Variants in REEP3 observed in about 807,000 individuals in gnomAD.
REEP3 encodes receptor accessory protein 3, also known as receptor expression-enhancing protein 3.
In REEP3, 20 loss-of-function variants were observed where a neutral mutation model predicts 41.3. That is an observed-to-expected ratio of 0.48 (90% CI 0.34 to 0.70). REEP3 has a LOEUF of 0.70. Among genes scored for constraint, REEP3 ranks in the 30% least tolerant of loss-of-function variants. REEP3 has a pLI of 0.01. For missense variants in REEP3, 271 were observed against 308.8 expected (o/e 0.88, Z 0.92); for synonymous variants, 104 against 101.8 (o/e 1.02, Z -0.13).
At chr10:63,585,537 C>T (rs955891700) in intron 2 of REEP3, among the ~76,000 whole-genome samples, 1 of 152,056 alleles carries the variant, frequency 6.6e-6, no homozygotes, top group African/African-American at 2.4e-5. Context: ...CCCATGAAAG[C>T]TTTGTGGGTG....
At chr10:63,524,159 TTCC>T (rs1294599700) in intron 1 of REEP3, among the ~76,000 whole-genome samples, 3 of 152,214 alleles carry the variant, frequency 2.0e-5, no homozygotes, top group Non-Finnish European at 4.4e-5. Context: ...CATTCTATTT[TTCC>T]TCTTTACTCA....
chr10:63,595,372 T>C (rs1956104199), intron 3 of REEP3, among the ~76,000 whole-genome samples: 1 of 152,216 alleles, frequency 6.6e-6, no homozygotes, highest in Non-Finnish European at 1.5e-5. Flanking sequence ...CCTCAGGGAT[T>C]TGACATTTTA....
At chr10:63,571,416 C>G (rs1413189216) in intron 2 of REEP3, among the ~76,000 whole-genome samples, 1 of 152,182 alleles carries the variant, frequency 6.6e-6, no homozygotes, top group Non-Finnish European at 1.5e-5. Flanking sequence ...ACTCCAGCTT[C>G]TACAGGCTGC....
At chr10:63,558,506 G>T (rs949152788) in intron 1 of REEP3, among the ~76,000 whole-genome samples, 1 of 152,120 alleles carries the variant, frequency 6.6e-6, no homozygotes, top group African/African-American at 2.4e-5. Flanking sequence ...GAGGCTGGAG[G>T]CCAGGCACAG....
chr10:63,525,605 G>A (rs1174164091), intron 1 of REEP3, among the ~76,000 whole-genome samples: 1 of 152,108 alleles, frequency 6.6e-6, no homozygotes, highest in Non-Finnish European at 1.5e-5. Context: ...TTTTAGTAGA[G>A]ACGGGGTTTC....
intron 2 of REEP3, among the ~76,000 whole-genome samples, chr10:63,583,999 G>A (rs893836647): frequency 2.6e-5 from 4 of 151,924 alleles, no homozygotes; most frequent in Admixed American, 2.6e-4. Flanking sequence ...TAACATATCT[G>A]TACTTTCCCA....
intron 6 of REEP3, among the ~76,000 whole-genome samples, 166 bp from the exon 7 acceptor site, chr10:63,619,489 T>C (rs1956336141): frequency 6.6e-6 from 1 of 152,146 alleles, no homozygotes; most frequent in Non-Finnish European, 1.5e-5. Flanking sequence ...CCTGGAATAG[T>C]GCGAGGCAAA....
In REEP3 at chr10:63,572,480, C is replaced by T. The variant is rs528619874; in HGVS notation, c.105+6070C>T. 1.8e-4 allele frequency among the ~76,000 whole-genome samples: 27 copies of T among 152,216 alleles called. No homozygotes were observed. In the South Asian group the frequency reaches 5.6e-3, roughly 32 times the overall value. On this transcript the variant is annotated intron_variant, in intron 2 of 7. Coordinates refer to ENST00000373758, the MANE Select transcript of REEP3 (RefSeq NM_001001330.3). ...ATGCTCTCCCTCTCCTTGCCCCTGA[C>T]CCTCCAACAGGCCCCAGTATGTGAT...
chr10:63,582,999 G>A (rs992180424), intron 2 of REEP3, among the ~76,000 whole-genome samples: 2 of 150,974 alleles, frequency 1.3e-5, no homozygotes, highest in Admixed American at 6.6e-5. Context: ...TTTCTTTTTT[G>A]TTTTGAGATG....
rs1419929940 is a variant in REEP3, at chr10:63,550,332, T to A, written c.33-16006T>A. 5.3e-5 allele frequency among the ~76,000 whole-genome samples: 8 copies of A among 152,346 alleles called. No homozygotes were observed. The South Asian group carries it at 6.2e-4, about 12-fold the overall frequency. On this transcript the variant is annotated intron_variant, in intron 1 of 7. Coordinates refer to ENST00000373758, the MANE Select transcript of REEP3 (RefSeq NM_001001330.3). ...TTTGGGAATATGGAAGTTAATACTT[T>A]GATTGTATCCAAGTTCTAAAGGGAA...
intron 6 of REEP3, 101 bp from the exon 7 acceptor site, chr10:63,619,554 G>T: frequency 1.0e-6 from 1 of 985,618 alleles, no homozygotes; most frequent in Non-Finnish European, 1.5e-6. Context: ...GTAACTGGGG[G>T]AAATGCAAAC....
At chr10:63,598,771 G>A (rs1378976960) in intron 4 of REEP3, among the ~76,000 whole-genome samples, 2 of 135,962 alleles carry the variant, frequency 1.5e-5, no homozygotes, top group African/African-American at 2.8e-5. Flanking sequence ...ACAAGAGAGC[G>A]AGACTCCATC....
At chr10:63,531,905 T>C (rs1955424287) in intron 1 of REEP3, among the ~76,000 whole-genome samples, 1 of 152,244 alleles carries the variant, frequency 6.6e-6, no homozygotes, top group South Asian at 2.1e-4. Context: ...AAGAAATTAC[T>C]GTTGCTGATC....
chr10:63,601,116 T>C (rs1024058939), intron 5 of REEP3, among the ~76,000 whole-genome samples: 2 of 151,402 alleles, frequency 1.3e-5, no homozygotes, highest in Admixed American at 6.6e-5. Flanking sequence ...ATCACACCAC[T>C]ATACTCCAGC....
At chr10:63,585,036 A>G in intron 2 of REEP3, among the ~76,000 whole-genome samples, 1 of 152,224 alleles carries the variant, frequency 6.6e-6, no homozygotes, top group Non-Finnish European at 1.5e-5. Flanking sequence ...GTCTGTAATT[A>G]AGAGAGTTTG....
rs1034348983 is a variant in REEP3, at chr10:63,574,855, T to C, written c.105+8445T>C. On this transcript the variant is annotated intron_variant, in intron 2 of 7. Transcript: ENST00000373758. ...TAATGAGAGGTCAATTTCTTTTTTT[T>C]TTTTTTTTTTTTTTTTTTTTGAGAC... Among the ~76,000 whole-genome samples, 8 of 107,058 alleles carry C rather than the reference T, an allele frequency of 7.5e-5. No individual in the cohort carries two copies. In the East Asian group the frequency reaches 1.3e-3, roughly 18 times the overall value. The allele number at this position is 107,058 out of a possible 152,430, so 70.2% of individuals were successfully genotyped here.
At chr10:63,525,657 G>T (rs1955356467) in intron 1 of REEP3, among the ~76,000 whole-genome samples, 1 of 152,094 alleles carries the variant, frequency 6.6e-6, no homozygotes, top group South Asian at 2.1e-4. Context: ...GACCTCAGGT[G>T]ATCCTCCCAC....
intron 1 of REEP3, among the ~76,000 whole-genome samples, chr10:63,550,353 G>C (rs573355005): frequency 1.7e-4 from 26 of 152,278 alleles, no homozygotes; most frequent in African/African-American, 6.3e-4. Flanking sequence ...AAGTTCTAAA[G>C]GGAATTACAA....
intron 2 of REEP3, among the ~76,000 whole-genome samples, chr10:63,585,000 G>A (rs1217872743): frequency 6.6e-6 from 1 of 152,140 alleles, no homozygotes; most frequent in Non-Finnish European, 1.5e-5. Flanking sequence ...TTAAAGACCA[G>A]CATTAATAGC....
Sources: gnomAD v4.1 joint callset for allele counts (sites outside exome capture counted in the v4.1 genomes callset) on GRCh38, gnomAD v4.1.1 for gene constraint, MANE v1.5 for transcripts, NCBI Gene and HGNC (gene_info 2026-07-23, HGNC 2026-07-21) for gene names.